Variants in IQCK observed in about 807,000 individuals in gnomAD.
IQCK encodes the protein IQ motif containing K, also known as IQ domain-containing protein K.
Under a neutral mutation model 28.1 loss-of-function variants are expected in IQCK, and 29 were observed. That is an observed-to-expected ratio of 1.03 (90% CI 0.77 to 1.41). The LOEUF (loss-of-function observed/expected upper bound fraction) is 1.41. Among genes scored for constraint, IQCK ranks in the 40% most tolerant of loss-of-function variants. The pLI, the probability that IQCK is intolerant of heterozygous loss-of-function variation, is 0.00. For synonymous variants in IQCK, 113 were observed against 115.1 expected, an observed-to-expected ratio of 0.98 and a Z score of 0.12; for missense variants, 359 against 314.7, an observed-to-expected ratio of 1.14 and a Z score of -1.07.
chr16:19,723,625 G>T (rs1977564905), intron 1 of IQCK, among the ~76,000 whole-genome samples: 1 of 152,130 alleles, frequency 6.6e-6, no homozygotes, highest in Non-Finnish European at 1.5e-5. Flanking sequence ...TGGACTGGGA[G>T]CACCTACATC....
chr16:19,786,229 C>G (rs2055559696), intron 6 of IQCK, among the ~76,000 whole-genome samples: 1 of 152,062 alleles, frequency 6.6e-6, no homozygotes, highest in African/African-American at 2.4e-5. Context: ...AGAATCAGGA[C>G]AGTGGATGAG....
intron 9 of IQCK, among the ~76,000 whole-genome samples, chr16:19,845,668 AAC>A (rs1463441794): frequency 6.6e-6 from 1 of 152,276 alleles, no homozygotes; most frequent in Non-Finnish European, 1.5e-5. Flanking sequence ...ACATATGAAT[AAC>A]ACATAAACTA....
chr16:19,858,383 T>G, exon 10 of IQCK: 1 of 497,338 alleles, frequency 2.0e-6, no homozygotes, highest in Non-Finnish European at 3.6e-6. Flanking sequence ...TCTGTTCTTA[T>G]GCTGGGGAAG....
intron 1 of IQCK, among the ~76,000 whole-genome samples, chr16:19,725,157 G>C (rs1977615670): frequency 6.6e-6 from 1 of 152,138 alleles, no homozygotes; most frequent in Non-Finnish European, 1.5e-5. Context: ...GTAATGGAAA[G>C]ATTGTAAACA....
At chr16:19,814,049 C>G (rs988872265) in intron 7 of IQCK, among the ~76,000 whole-genome samples, 1 of 151,842 alleles carries the variant, frequency 6.6e-6, no homozygotes. Context: ...GAAACCCTGT[C>G]TCTACTAAAA....
chr16:19,846,092 T>A, intron 9 of IQCK, among the ~76,000 whole-genome samples: 1 of 152,280 alleles, frequency 6.6e-6, no homozygotes, highest in African/African-American at 2.4e-5. Flanking sequence ...ATAATAATAA[T>A]TTTATTGAAT....
intron 2 of IQCK, 121 bp from the exon 3 acceptor site, chr16:19,733,577 G>A: frequency 9.0e-7 from 1 of 1,105,612 alleles, no homozygotes; most frequent in East Asian, 2.4e-5. Flanking sequence ...TCTGTGCTCA[G>A]CGTACCCCCT....
chr16:19,798,428 A>G (rs1433833876), intron 7 of IQCK, among the ~76,000 whole-genome samples: 2 of 119,998 alleles, frequency 1.7e-5, no homozygotes, highest in Middle Eastern at 3.8e-3. Flanking sequence ...AAAAATATAT[A>G]TATATATATA....
chr16:19,838,005 T>C (rs2056318471), intron 9 of IQCK, among the ~76,000 whole-genome samples: 1 of 152,258 alleles, frequency 6.6e-6, no homozygotes, highest in Non-Finnish European at 1.5e-5. Context: ...CCTTGTTTTC[T>C]GCTTTGAAAA....
chr16:19,724,854 T>C (rs1252491906), intron 1 of IQCK, among the ~76,000 whole-genome samples: 2 of 152,108 alleles, frequency 1.3e-5, no homozygotes, highest in African/African-American at 4.8e-5. Context: ...TACATTTTAA[T>C]TGTTTCTATC....
intron 7 of IQCK, among the ~76,000 whole-genome samples, chr16:19,806,728 A>C: frequency 7.0e-6 from 1 of 143,124 alleles, no homozygotes. Flanking sequence ...AAAAAGAAAA[A>C]ATAAAGCAGT....
At chr16:19,775,844 GCTGTT>G (rs113904764) in intron 6 of IQCK, among the ~76,000 whole-genome samples, 45,264 of 130,850 alleles carry the variant, frequency 0.35, 11,944 homozygotes, top group African/African-American at 0.75. Flanking sequence ...GTGAACACTA[GCTGTT>G]CTGTTCTGGG....
intron 4 of IQCK, among the ~76,000 whole-genome samples, chr16:19,763,429 A>C (rs2055178680): frequency 6.6e-6 from 1 of 152,030 alleles, no homozygotes; most frequent in Non-Finnish European, 1.5e-5. Flanking sequence ...AGAGGCAGGC[A>C]CACTTGGTGT....
intron 1 of IQCK, among the ~76,000 whole-genome samples, chr16:19,725,447 T>C (rs1977625317): frequency 6.6e-6 from 1 of 152,230 alleles, no homozygotes; most frequent in Admixed American, 6.5e-5. Context: ...TCTGCCCACC[T>C]TGGCTTCCCA....
intron 6 of IQCK, among the ~76,000 whole-genome samples, chr16:19,784,255 T>G (rs2151729297): frequency 6.6e-6 from 1 of 152,274 alleles, no homozygotes; most frequent in East Asian, 1.9e-4. Flanking sequence ...TTTCTTCTCC[T>G]TAACACTCAG....
chr16:19,753,262 A>AT lies in IQCK; in HGVS notation c.475-10581dup, dbSNP rs1306435186. Among the ~76,000 whole-genome samples, 891 of 150,534 alleles carry AT rather than the reference A, an allele frequency of 5.9e-3. 10 individuals carry two copies. The highest frequency in any genetic ancestry group is 0.021 in the African/African-American group (855 of 40,650). On this transcript the variant is annotated intron_variant, in intron 4 of 7. Coordinates refer to ENST00000564186, the Ensembl canonical transcript of IQCK. ...CCTATCTCTACAAAAAAAAAAAAAAATTTTTGAAAATTACCTGAGCATTAC... is the reference window on the plus strand; with the variant it reads ...CCTATCTCTACAAAAAAAAAAAAAAATTTTTTGAAAATTACCTGAGCATTAC...
intron 7 of IQCK, among the ~76,000 whole-genome samples, chr16:19,801,165 G>T (rs918514932): frequency 7.3e-6 from 1 of 137,744 alleles, no homozygotes; most frequent in Admixed American, 7.0e-5. Flanking sequence ...TTTGGGTTTG[G>T]GCTGTGTGTG....
chr16:19,735,838 G>A, intron 4 of IQCK: 1 of 335,726 alleles, frequency 3.0e-6, no homozygotes, highest in Non-Finnish European at 5.7e-6. Flanking sequence ...TGAGGTGGGA[G>A]GATCACTTGA....
intron 1 of IQCK, among the ~76,000 whole-genome samples, chr16:19,724,704 T>C (rs1293057536): frequency 6.6e-6 from 1 of 152,034 alleles, no homozygotes; most frequent in Non-Finnish European, 1.5e-5. Flanking sequence ...AATTTTGTTT[T>C]TGTATTTTTA....
Sources: allele counts gnomAD v4.1 joint callset (sites outside exome capture counted in the v4.1 genomes callset), GRCh38; gene constraint gnomAD v4.1.1; transcripts MANE v1.5; gene names NCBI Gene and HGNC (gene_info 2026-07-23, HGNC 2026-07-21).